The following CHRFAM7A variants were observed in gnomAD, a reference collection of about 807,000 sequenced individuals.
The protein encoded by CHRFAM7A is CHRNA7-FAM7A fusion protein.
CHRFAM7A carries 3 observed loss-of-function variants against 29.2 expected under a neutral mutation model. The ratio of observed to expected loss-of-function variants is 0.10; its 90% CI spans 0.05 to 0.27. The LOEUF (loss-of-function observed/expected upper bound fraction) is 0.27. CHRFAM7A is among the 10% of genes least tolerant of loss of function. CHRFAM7A has a pLI of 1.00. For synonymous variants in CHRFAM7A, 7 were observed against 135.4 expected, an observed-to-expected ratio of 0.05 and a Z score of 6.58; for missense variants, 22 against 328.0, an observed-to-expected ratio of 0.07 and a Z score of 7.21.
intron 9 of CHRFAM7A, among the ~76,000 whole-genome samples, chr15:30,367,163 G>C (rs956293545): frequency 1.3e-5 from 2 of 151,010 alleles, no homozygotes; most frequent in Non-Finnish European, 3.0e-5. Flanking sequence ...GCAGGCGCCT[G>C]TAGTCCCAGC....
chr15:30,362,804 ACT>A lies in CHRFAM7A; in HGVS notation c.726_727del (p.Arg242SerfsTer86). ...CCACGCGCACCAGTTCAGAAGGATG[ACT>A]CTGGTCTGGGGAGACAACAGAACGT... On this transcript the variant is annotated frameshift_variant, in exon 10 of 10. Transcript: ENST00000299847. LOFTEE classifies it high-confidence loss of function. The A allele has an allele frequency of 2.6e-6, 3 of 1,175,688 alleles. No individual in the cohort carries two copies. Among genetic ancestry groups the A allele is most frequent in the Non-Finnish European group, 3.6e-6 (3 of 830,552 alleles). 72.8% of individuals were successfully genotyped at this position (1,175,688 alleles called of 1,614,324 possible). A position where few individuals can be genotyped will look rare whatever the true frequency, so the allele number is the denominator to read the frequency against.
chr15:30,376,095 GGTGTGAGTGGTGT>G (rs2058931900), intron 5 of CHRFAM7A, among the ~76,000 whole-genome samples: 6 of 37,638 alleles, frequency 1.6e-4, no homozygotes, highest in South Asian at 3.3e-3. Context: ...TAGTGTGAGT[GGTGTGAGTGGTGT>G]GTGTGAGTAC....
intron 8 of CHRFAM7A, 58 bp from the exon 9 acceptor site, chr15:30,367,585 AG>A: frequency 6.4e-7 from 1 of 1,566,890 alleles, no homozygotes. Flanking sequence ...TGCACGTCAC[AG>A]GACAGGCACA....
intron 6 of CHRFAM7A, 108 bp from the exon 7 acceptor site, chr15:30,372,449 GC>G: frequency 1.1e-5 from 1 of 89,436 alleles, no homozygotes; most frequent in Non-Finnish European, 1.7e-5. Flanking sequence ...TTTGCAAAGT[GC>G]TAAAAAAAAA....
chr15:30,393,849 C>T (rs1216695294), upstream of CHRFAM7A: 279 of 66,254 alleles, frequency 4.2e-3, 14 homozygotes, highest in East Asian at 0.017. Flanking sequence ...GCGGCACAAC[C>T]ACCAACTCTG....
intron 1 of CHRFAM7A, among the ~76,000 whole-genome samples, chr15:30,387,371 TG>T (rs1487387009): frequency 1.3e-5 from 1 of 78,470 alleles, no homozygotes; most frequent in Admixed American, 1.5e-4. Flanking sequence ...AGTCTCAGTC[TG>T]TCACATAGGC....
At position 30,367,479 on chromosome 15, in the gene CHRFAM7A, A is replaced by T; in HGVS notation, c.659T>A (p.Val220Glu). The change falls in exon 9 of 10, where the codon GTG (valine) becomes GAG (glutamate). Residue 220 changes from valine to glutamate, a missense_variant. Val to Glu is a moderately radical substitution (Grantham distance 121, BLOSUM62 -2). Transcript: ENST00000299847. The stretch of plus-strand genomic sequence containing the variant: ...GTGGTACTGCAGCACGATCACCGTC[A>T]CCACCACCGAGAGGCCCACGATGAT... ...TMIIVGLSVV[V>E]TVIVLQYHHH... The T allele has an allele frequency of 6.2e-7, 1 of 1,606,246 alleles. No homozygotes were observed. Among genetic ancestry groups the T allele is most frequent in the East Asian group, 2.2e-5 (1 of 44,592 alleles).
rs149651405 is a variant in CHRFAM7A, at chr15:30,367,439, G to A, written c.699C>T (p.Asp233=). The part of the protein sequence containing the change: ...IVLQYHHHDP[D]GGKMPKWTRV... Reference sequence around the variant, plus strand: ...GTACCCACTTGGGCATCTTGCCCCCGTCGGGGTCGTGGTGGTGGTACTGCA... The same window carrying A: ...GTACCCACTTGGGCATCTTGCCCCCATCGGGGTCGTGGTGGTGGTACTGCA... The change falls in exon 9 of 10, where the codon GAC becomes GAT. Residue 233 remains aspartate (D), a synonymous_variant. Coordinates refer to ENST00000299847, the MANE Select transcript of CHRFAM7A (RefSeq NM_139320.2). 1.1e-4 allele frequency: 181 copies of A among 1,607,964 alleles called. 3 individuals carry two copies. The African/African-American group carries it at 1.8e-3, about 16-fold the overall frequency.
intron 5 of CHRFAM7A, among the ~76,000 whole-genome samples, chr15:30,374,466 T>TC (rs1180517219): frequency 7.7e-6 from 1 of 129,940 alleles, no homozygotes; most frequent in Non-Finnish European, 1.6e-5. Flanking sequence ...AATAGTTGGA[T>TC]CCCCCCAAAA....
chr15:30,362,208 TGTC>T lies in CHRFAM7A; in HGVS notation c.*82_*84del. ...ACACTGGAGTTGTGGCGTGTAATGCTGTCCTGGATTAGCACCCCCAAATCTCGC... is the reference window on the plus strand; with the variant it reads ...ACACTGGAGTTGTGGCGTGTAATGCTCTGGATTAGCACCCCCAAATCTCGC... On this transcript the variant is annotated 3_prime_UTR_variant, in exon 10 of 10. Transcript: ENST00000299847. 8.9e-5 allele frequency: 6 copies of T among 67,732 alleles called. No homozygotes were observed. Among genetic ancestry groups the T allele is most frequent in the Admixed American group, 2.6e-4 (1 of 3,828 alleles). 4.2% of individuals were successfully genotyped at this position (67,732 alleles called of 1,614,324 possible). A position where few individuals can be genotyped will look rare whatever the true frequency, so the allele number is the denominator to read the frequency against.
intron 8 of CHRFAM7A, among the ~76,000 whole-genome samples, 185 bp downstream of exon 8, chr15:30,370,913 G>A (rs1225920940): frequency 2.0e-5 from 3 of 151,708 alleles, no homozygotes; most frequent in Non-Finnish European, 4.4e-5. Flanking sequence ...AAACCTCAAA[G>A]CTGAATATCC....
intron 4 of CHRFAM7A, among the ~76,000 whole-genome samples, chr15:30,377,464 C>G (rs1030459158): frequency 7.0e-6 from 1 of 142,804 alleles, no homozygotes; most frequent in Non-Finnish European, 1.5e-5. Flanking sequence ...GTGGGTGAGG[C>G]ACGCTGCCAC....
In CHRFAM7A at chr15:30,367,434, C is replaced by A. The variant is rs770974725; in HGVS notation, c.704G>T (p.Gly235Val). 6.2e-7 allele frequency: 1 copy of A among 1,607,870 alleles called. No homozygotes were observed. Among genetic ancestry groups the A allele is most frequent in the African/African-American group, 1.3e-5 (1 of 74,532 alleles). Residue 235 changes from glycine (G) to valine (V), a missense_variant, in exon 9 of 10, where the codon GGC becomes GTC. By Grantham distance (109) the Gly-to-Val change is moderately radical. Transcript: ENST00000299847. ...GGAACGTACCCACTTGGGCATCTTG[C>A]CCCCGTCGGGGTCGTGGTGGTGGTA... is the stretch of plus-strand genomic sequence containing the variant. ...LQYHHHDPDGGKMPKWTRVIL... is the reference protein window; with the variant it reads ...LQYHHHDPDGVKMPKWTRVIL...
At chr15:30,390,185 CA>C (rs1371758391) in intron 1 of CHRFAM7A, among the ~76,000 whole-genome samples, 22 of 48,810 alleles carry the variant, frequency 4.5e-4, no homozygotes, top group Non-Finnish European at 7.8e-4. Flanking sequence ...CCAGAACAGC[CA>C]AACCCACCTT....
intron 5 of CHRFAM7A, among the ~76,000 whole-genome samples, chr15:30,375,808 G>A (rs1223447241): frequency 2.7e-5 from 4 of 149,532 alleles, no homozygotes; most frequent in Admixed American, 2.6e-4. Context: ...GTATGTGAGT[G>A]GTTGTGTGAG....
At chr15:30,377,633 G>T (rs1447294776) in intron 4 of CHRFAM7A, among the ~76,000 whole-genome samples, 2 of 135,374 alleles carry the variant, frequency 1.5e-5, no homozygotes, top group Non-Finnish European at 3.2e-5. Flanking sequence ...AGAGTGCAGT[G>T]GCATGATCTC....
chr15:30,373,523 GGT>G lies in CHRFAM7A; in HGVS notation c.161-380_161-379del, dbSNP rs141612625. 2.3e-3 allele frequency among the ~76,000 whole-genome samples: 264 copies of G among 114,276 alleles called. 20 individuals are homozygous for G. The East Asian group carries it at 0.044, about 19-fold the overall frequency. The allele number at this position is 114,276 out of a possible 152,430, so 75.0% of individuals were successfully genotyped here. A position where few individuals can be genotyped will look rare whatever the true frequency, so the allele number is the denominator to read the frequency against. On this transcript the variant is annotated intron_variant, in intron 5 of 9. Coordinates refer to ENST00000299847, the MANE Select transcript of CHRFAM7A (RefSeq NM_139320.2). ...ATGAAGTTAGAAATAGAATCTAAAA[GGT>G]GTGTGTGTGTGTGTGTGTGTCTGTT...
At chr15:30,363,345 C>G (rs1215780431) in intron 9 of CHRFAM7A, among the ~76,000 whole-genome samples, 1 of 147,906 alleles carries the variant, frequency 6.8e-6, no homozygotes, top group Non-Finnish European at 1.5e-5. Flanking sequence ...ATTACCACAT[C>G]TCTTGTGATG....
intron 9 of CHRFAM7A, among the ~76,000 whole-genome samples, chr15:30,363,396 TA>T (rs2058762695): frequency 7.0e-6 from 1 of 142,474 alleles, no homozygotes; most frequent in Admixed American, 7.2e-5. Flanking sequence ...AGTACCCTGA[TA>T]AAAAGCAAAC....
Sources: allele counts gnomAD v4.1 joint callset (sites outside exome capture counted in the v4.1 genomes callset), GRCh38; gene constraint gnomAD v4.1.1; transcripts MANE v1.5; gene names NCBI Gene and HGNC (gene_info 2026-07-23, HGNC 2026-07-21).